The following ARFGEF2 variants were observed in gnomAD, a reference collection of about 807,000 sequenced individuals.
ARFGEF2 encodes ARF guanine nucleotide exchange factor 2, also known as brefeldin A-inhibited guanine nucleotide-exchange protein 2.
Under a neutral mutation model 219.9 loss-of-function variants are expected in ARFGEF2, and 74 were observed. The observed-to-expected ratio is 0.34, with a 90% CI of 0.28 to 0.41. The LOEUF is 0.41. Among genes scored for constraint, ARFGEF2 ranks in the 10% least tolerant of loss-of-function variants. The probability of loss-of-function intolerance (pLI) is 1.00; values close to 1 mark genes in which losing one functional copy is unlikely to be tolerated. For missense variants in ARFGEF2, 1,743 were observed against 2,218.3 expected (o/e 0.79, Z 4.30); for synonymous variants, 733 against 799.2 (o/e 0.92, Z 1.40).
At chr20:48,975,285 C>T (rs777329579) in intron 13 of ARFGEF2, among the ~76,000 whole-genome samples, 1 of 152,076 alleles carries the variant, frequency 6.6e-6, no homozygotes, top group African/African-American at 2.4e-5. Context: ...TGGGCTCAAG[C>T]GATCCTCCCA....
At chr20:48,989,762 A>C (rs1306336333) in intron 20 of ARFGEF2, 78 bp downstream of exon 20, 1 of 1,597,006 alleles carries the variant, frequency 6.3e-7, no homozygotes. Context: ...AGAAATTATC[A>C]GAAATTTTCA....
At chr20:49,022,258 G>T (rs1317564149) in intron 34 of ARFGEF2, among the ~76,000 whole-genome samples, 1 of 151,100 alleles carries the variant, frequency 6.6e-6, no homozygotes, top group Non-Finnish European at 1.5e-5. Context: ...AATGCAGAAA[G>T]CAACAAAACT....
At position 48,985,419 on chromosome 20, in the gene ARFGEF2, C is replaced by T. The variant is rs774731421; in HGVS notation, c.2082C>T (p.Gly694=). The T allele has an allele frequency of 6.8e-6, 11 of 1,614,080 alleles. No homozygotes were observed. Among genetic ancestry groups the T allele is most frequent in the East Asian group, 6.7e-5 (3 of 44,872 alleles). ...QEERLDSTQV[G]DFLGDSARFN... ...TGTGTATGTTTCAGACCCAAGTAGG[C>T]GATTTTCTGGGAGATAGCGCAAGGT... The change falls in exon 16 of 39, where the codon GGC becomes GGT. Residue 694 remains glycine (G), a synonymous_variant. Coordinates refer to ENST00000371917, the MANE Select transcript of ARFGEF2 (RefSeq NM_006420.3).
At chr20:49,000,387 A>G (rs1262850928) in intron 25 of ARFGEF2, among the ~76,000 whole-genome samples, 2 of 152,204 alleles carry the variant, frequency 1.3e-5, no homozygotes, top group East Asian at 3.9e-4. Flanking sequence ...AGGATCAAGC[A>G]TGTCATATAT....
intron 6 of ARFGEF2, 108 bp downstream of exon 6, chr20:48,953,898 G>A (rs974126758): frequency 9.0e-7 from 1 of 1,108,356 alleles, no homozygotes. Context: ...TCTGATAACA[G>A]CTTATCTCTT....
chr20:49,020,673 T>TG (rs1568741820), intron 34 of ARFGEF2, among the ~76,000 whole-genome samples: 1 of 152,334 alleles, frequency 6.6e-6, no homozygotes, highest in East Asian at 1.9e-4. Context: ...CTTGAATTCT[T>TG]GGACTCAAGC....
intron 21 of ARFGEF2, among the ~76,000 whole-genome samples, chr20:48,992,813 C>T (rs1445735475): frequency 6.6e-6 from 1 of 152,104 alleles, no homozygotes; most frequent in East Asian, 1.9e-4. Flanking sequence ...GAGGTTGAGG[C>T]AGAAGGATGG....
chr20:48,950,993 C>G (rs189034235), intron 3 of ARFGEF2, among the ~76,000 whole-genome samples: 1 of 151,532 alleles, frequency 6.6e-6, no homozygotes, highest in Non-Finnish European at 1.5e-5. Flanking sequence ...CTCCCTACGC[C>G]GCCCCCCTAA....
intron 6 of ARFGEF2, among the ~76,000 whole-genome samples, chr20:48,962,174 C>G (rs931276501): frequency 6.6e-6 from 1 of 152,140 alleles, no homozygotes; most frequent in South Asian, 2.1e-4. Context: ...GAGTGAAACT[C>G]CGTCTCAAAT....
Position 49,013,665 on chromosome 20 carries a change from T to A in ARFGEF2, c.4020T>A (p.Ile1340=). 1 of 1,614,088 alleles carries A rather than the reference T, an allele frequency of 6.2e-7. No individual in the cohort carries two copies. The highest frequency in any genetic ancestry group is 8.5e-7 in the Non-Finnish European group (1 of 1,180,022). Residue 1340 remains isoleucine, a synonymous_variant, in exon 29 of 39, where the codon ATT becomes ATA. Coordinates refer to ENST00000371917, the MANE Select transcript of ARFGEF2 (RefSeq NM_006420.3). Reference sequence around the variant, plus strand: ...TCTTATTCGAACTCTCCTGCATCATTAATAGATGCAAGTTAGATGTACGAA... The same window carrying A: ...TCTTATTCGAACTCTCCTGCATCATAAATAGATGCAAGTTAGATGTACGAA... ...FPILFELSCI[I]NRCKLDVRTR...
At chr20:48,996,914 C>T (rs1361023351) in intron 23 of ARFGEF2, among the ~76,000 whole-genome samples, 1 of 151,818 alleles carries the variant, frequency 6.6e-6, no homozygotes, top group Non-Finnish European at 1.5e-5. Flanking sequence ...TTAGCAATCA[C>T]TCTCCGTTTT....
intron 3 of ARFGEF2, among the ~76,000 whole-genome samples, chr20:48,946,493 A>T (rs188735047): frequency 4.6e-4 from 67 of 146,064 alleles, no homozygotes; most frequent in African/African-American, 1.7e-3. Context: ...ATATATATAT[A>T]TATTTTTATT....
intron 9 of ARFGEF2, among the ~76,000 whole-genome samples, chr20:48,970,017 A>G (rs1307011331): frequency 6.6e-6 from 1 of 152,252 alleles, no homozygotes; most frequent in Non-Finnish European, 1.5e-5. Flanking sequence ...ATACTGTGAT[A>G]GGTATTAGGA....
intron 9 of ARFGEF2, among the ~76,000 whole-genome samples, chr20:48,969,569 A>G (rs1279835919): frequency 6.6e-6 from 1 of 152,242 alleles, no homozygotes; most frequent in Non-Finnish European, 1.5e-5. Context: ...TTTACTAGCT[A>G]GTGGATTGAA....
chr20:48,936,612 C>T (rs1386408521), intron 1 of ARFGEF2, among the ~76,000 whole-genome samples: 2 of 152,162 alleles, frequency 1.3e-5, no homozygotes, highest in Admixed American at 6.5e-5. Context: ...GCGCCCTTTG[C>T]CTCCAGGGTT....
At chr20:49,016,561 TA>T (rs1324145575) in intron 31 of ARFGEF2, 146 bp downstream of exon 31, 20 of 913,042 alleles carry the variant, frequency 2.2e-5, no homozygotes, top group Non-Finnish European at 3.2e-5. Context: ...AATTACAGTA[TA>T]AAAAACAGTG....
intron 6 of ARFGEF2, among the ~76,000 whole-genome samples, chr20:48,963,178 A>AAAAAAAAAAAAAAAAAAAAAAG: frequency 6.6e-6 from 1 of 151,454 alleles, no homozygotes; most frequent in Non-Finnish European, 1.5e-5. Flanking sequence ...TCTGTCTCAA[A>AAAAAAAAAAAAAAAAAAAAAAG]AAAAAAAAAA....
intron 14 of ARFGEF2, among the ~76,000 whole-genome samples, chr20:48,977,604 G>C (rs2091270036): frequency 6.6e-6 from 1 of 152,182 alleles, no homozygotes. Flanking sequence ...CAGTGTAAAA[G>C]CGTTCCTATT....
rs2091617096 is a variant in ARFGEF2 at position 49,028,678 on chromosome 20, T to G, written c.5063+10T>G. 6.2e-7 allele frequency: 1 copy of G among 1,613,140 alleles called. No individual in the cohort carries two copies. The highest frequency in any genetic ancestry group is 1.3e-5 in the African/African-American group (1 of 74,900). On this transcript the variant is annotated intron_variant, in intron 37 of 38. Transcript: ENST00000371917. ...AGCAGAGACTTTTAACGTAAGAAAA[T>G]TAGTTTCTGATTAGATTTCTATCTG...
Sources: allele counts gnomAD v4.1 joint callset (sites outside exome capture counted in the v4.1 genomes callset), GRCh38; gene constraint gnomAD v4.1.1; transcripts MANE v1.5; gene names NCBI Gene and HGNC (gene_info 2026-07-23, HGNC 2026-07-21).